The following EFHC1 variants were observed in gnomAD, a reference collection of about 807,000 sequenced individuals.
EFHC1 encodes EF-hand domain-containing protein 1.
A neutral mutation model predicts 69.9 loss-of-function variants in EFHC1; 53 were observed. That is an observed-to-expected ratio of 0.76 (90% confidence interval 0.61 to 0.95). EFHC1 has a LOEUF of 0.95. EFHC1 is among the 40% of genes least tolerant of loss of function. EFHC1 has a pLI of 0.00. For synonymous variants in EFHC1, 256 were observed against 278.4 expected (o/e 0.92, Z 0.80); for missense variants, 739 against 798.7 (o/e 0.93, Z 0.90).
chr6:52,479,796 T>G lies in EFHC1; in HGVS notation c.1640+9T>G. 5 of 1,613,826 alleles carry G rather than the reference T, an allele frequency of 3.1e-6. No individual in the cohort carries two copies. Among genetic ancestry groups the G allele is most frequent in the Non-Finnish European group, 4.2e-6 (5 of 1,179,986 alleles). On this transcript the variant is annotated intron_variant, in intron 9 of 10. Transcript: ENST00000371068. The stretch of plus-strand genomic sequence containing the variant: ...GCTCCAGAAGCAGAAAGGTGTGTGT[T>G]TGATTGCTAGGGTTTGGCACACTCA...
Position 52,490,291 on chromosome 6 carries a change from A to G in EFHC1, c.1792A>G (p.Met598Val), listed in dbSNP as rs1206929074. The change falls in exon 10 of 11, where the codon ATG becomes GTG. Residue 598 changes from methionine (M) to valine (V), a missense_variant. Transcript: ENST00000371068. ...AGCTTCAGGATATGTGGACAGAGAC[A>G]TGTTCTTTAAAATCTGTGAATCGCT... ...KEASGYVDRD[M>V]FFKICESLNV... 1.9e-6 allele frequency: 3 copies of G among 1,614,026 alleles called. No homozygotes were observed. The highest frequency in any genetic ancestry group is 2.5e-6 in the Non-Finnish European group (3 of 1,180,008).
At chr6:52,430,378 TGTCCC>T (rs1273829175) in intron 2 of EFHC1, 1 of 152,182 alleles carries the variant, frequency 6.6e-6, no homozygotes. Context: ...CATTGAGGTA[TGTCCC>T]TTGTATCAAT....
At chr6:52,464,239 ATTAT>A (rs1165982578) in intron 5 of EFHC1, among the ~76,000 whole-genome samples, 1 of 152,212 alleles carries the variant, frequency 6.6e-6, no homozygotes. Flanking sequence ...ACATTTGGAA[ATTAT>A]TTATTCCCAC....
chr6:52,433,270 G>T (rs1764454099), intron 2 of EFHC1, among the ~76,000 whole-genome samples: 1 of 152,130 alleles, frequency 6.6e-6, no homozygotes, highest in South Asian at 2.1e-4. Context: ...CATATTACCA[G>T]AGTTGGTTTT....
chr6:52,492,232 C>T, intron 10 of EFHC1, 38 bp from the exon 11 acceptor site: 1 of 1,585,674 alleles, frequency 6.3e-7, no homozygotes. Flanking sequence ...GGAAGCCCTG[C>T]AGATCTGTCT....
intron 7 of EFHC1, among the ~76,000 whole-genome samples, chr6:52,474,484 A>G (rs1318471717): frequency 6.6e-6 from 1 of 152,236 alleles, no homozygotes; most frequent in Non-Finnish European, 1.5e-5. Flanking sequence ...CCCACTTTGT[A>G]AAACAGTTTG....
chr6:52,461,344 G>C (rs1221389386), intron 5 of EFHC1, among the ~76,000 whole-genome samples: 2 of 152,076 alleles, frequency 1.3e-5, no homozygotes, highest in East Asian at 3.8e-4. Context: ...TCCTGCATTA[G>C]TTTGCTAAAG....
intron 3 of EFHC1, among the ~76,000 whole-genome samples, chr6:52,448,211 G>A (rs1764832505): frequency 6.6e-6 from 1 of 152,238 alleles, no homozygotes; most frequent in South Asian, 2.1e-4. Flanking sequence ...GAGGTGCCAT[G>A]GGCTCCACCC....
chr6:52,474,020 G>A (rs1446407651), intron 7 of EFHC1, among the ~76,000 whole-genome samples: 2 of 151,848 alleles, frequency 1.3e-5, no homozygotes, highest in African/African-American at 2.4e-5. Context: ...ATATCCAAGA[G>A]GCAACTAAAC....
In EFHC1 at chr6:52,493,141, A is replaced by G; in HGVS notation, c.*800A>G. ...GGAACATCAGCCTTTTCTTGCCTTC[A>G]GACACAAATGGAAACATCAGCTGTT... is the stretch of plus-strand genomic sequence containing the variant. On this transcript the variant is annotated 3_prime_UTR_variant, in exon 11 of 11. Coordinates refer to ENST00000371068, the MANE Select transcript of EFHC1 (RefSeq NM_018100.4). 1 of 453,812 alleles carries G rather than the reference A, an allele frequency of 2.2e-6. No homozygotes were observed. Among genetic ancestry groups the G allele is most frequent in the Non-Finnish European group, 4.4e-6 (1 of 226,740 alleles). The allele number at this position is 453,812 out of a possible 1,614,324, so 28.1% of individuals were successfully genotyped here.
chr6:52,424,418 G>T (rs1764260951), intron 2 of EFHC1, among the ~76,000 whole-genome samples: 2 of 152,162 alleles, frequency 1.3e-5, no homozygotes, highest in Admixed American at 1.3e-4. Flanking sequence ...TGCAGTTAAA[G>T]AAAAGTTGGC....
intron 4 of EFHC1, chr6:52,453,353 AC>A (rs1562452728): frequency 7.8e-7 from 1 of 1,287,216 alleles, no homozygotes; most frequent in South Asian, 1.2e-5. Flanking sequence ...CTCTGTTCCA[AC>A]CTTCCTAATC....
At chr6:52,480,944 T>C (rs1765660228) in intron 9 of EFHC1, among the ~76,000 whole-genome samples, 1 of 152,176 alleles carries the variant, frequency 6.6e-6, no homozygotes, top group Admixed American at 6.5e-5. Context: ...CTGAATGAAA[T>C]GAGCCATTGG....
intron 2 of EFHC1, among the ~76,000 whole-genome samples, chr6:52,436,378 AT>A (rs371447241): frequency 1.3e-3 from 191 of 144,004 alleles, no homozygotes; most frequent in Middle Eastern, 7.2e-3. Context: ...TACGCTACCC[AT>A]TTTTTTTTTT....
chr6:52,477,615 G>A (rs1424516037), intron 7 of EFHC1, among the ~76,000 whole-genome samples: 6 of 152,160 alleles, frequency 3.9e-5, no homozygotes, highest in East Asian at 1.9e-4. Flanking sequence ...AGTGGGCAAA[G>A]GACATGAACA....
chr6:52,487,876 G>A (rs1453039764), intron 9 of EFHC1: 1 of 152,302 alleles, frequency 6.6e-6, no homozygotes, highest in Non-Finnish European at 1.5e-5. Flanking sequence ...GTTGAGCCAT[G>A]TGAGCAAACC....
intron 7 of EFHC1, among the ~76,000 whole-genome samples, chr6:52,472,459 A>G (rs1370471215): frequency 6.6e-6 from 1 of 152,202 alleles, no homozygotes; most frequent in African/African-American, 2.4e-5. Context: ...TAAAGAATCT[A>G]CCTTCTACAT....
At chr6:52,485,068 A>G (rs1446148078) in intron 9 of EFHC1, 1 of 152,172 alleles carries the variant, frequency 6.6e-6, no homozygotes, top group African/African-American at 2.4e-5. Flanking sequence ...TTTCATGGAC[A>G]CATCTTTAAA....
At position 52,495,934 on chromosome 6, in the gene EFHC1, T is replaced by C; in HGVS notation, c.*3593T>C. 3.6e-6 allele frequency: 1 copy of C among 275,508 alleles called. No homozygotes were observed. Among genetic ancestry groups the C allele is most frequent in the Non-Finnish European group, 7.1e-6 (1 of 141,336 alleles). 17.1% of individuals were successfully genotyped at this position (275,508 alleles called of 1,614,324 possible). A position where few individuals can be genotyped will look rare whatever the true frequency, so the allele number is the denominator to read the frequency against. ...ATTTCTGTGGTGTCCAAACACTCGC[T>C]GCTCACCTGTTTATACAAAGCAGCA... On this transcript the variant is annotated 3_prime_UTR_variant, in exon 11 of 11. Coordinates refer to ENST00000371068, the MANE Select transcript of EFHC1 (RefSeq NM_018100.4).
Sources: allele counts gnomAD v4.1 joint callset (sites outside exome capture counted in the v4.1 genomes callset), GRCh38; gene constraint gnomAD v4.1.1; transcripts MANE v1.5; gene names NCBI Gene and HGNC (gene_info 2026-07-23, HGNC 2026-07-21).